TMPRSS5: variants seen among roughly 807,000 people sequenced by gnomAD.
The protein encoded by TMPRSS5 is transmembrane serine protease 5.
TMPRSS5 carries 45 observed loss-of-function variants against 59.7 expected under a neutral mutation model. The ratio of observed to expected loss-of-function variants is 0.75; its 90% CI spans 0.59 to 0.97. TMPRSS5 has a LOEUF of 0.97. Among genes scored for constraint, TMPRSS5 ranks in the 50% least tolerant of loss-of-function variants. The pLI is 0.00. For missense variants in TMPRSS5, 585 were observed against 596.7 expected (o/e 0.98, Z 0.20); for synonymous variants, 225 against 232.0 (o/e 0.97, Z 0.27).
rs1375764067 is a variant in TMPRSS5, at chr11:113,698,819, G to A, written c.328+86C>T. On this transcript the variant is annotated intron_variant, in intron 4 of 12. Transcript: ENST00000299882. The stretch of plus-strand genomic sequence containing the variant: ...CACATATGGTTGGCAGTGAACAGAT[G>A]GCCCTTCAGTGTCGGTTCTCTTGCC... 19 of 1,465,244 alleles carry A rather than the reference G, an allele frequency of 1.3e-5. No homozygotes were observed. In the Admixed American group the frequency reaches 3.4e-4, roughly 26 times the overall value. The allele number at this position is 1,465,244 out of a possible 1,614,324, so 90.8% of individuals were successfully genotyped here. A position where few individuals can be genotyped will look rare whatever the true frequency, so the allele number is the denominator to read the frequency against.
rs769436278 is a variant in TMPRSS5, at chr11:113,694,566, C to T, written c.697G>A (p.Ala233Thr). The change falls in exon 8 of 13, where the codon GCC (alanine) becomes ACC (threonine). Residue 233 changes from alanine (A) to threonine (T), a missense_variant. Coordinates refer to ENST00000299882, the MANE Select transcript of TMPRSS5 (RefSeq NM_030770.4). ...SVAPGRWPWQ[A>T]SVALGFRHTC... ...TGCCGGAAGCCCAGGGCCACGCTGGCCTGCCACGGCCAGCGCCCAGGAGCC... is the reference window on the plus strand; with the variant it reads ...TGCCGGAAGCCCAGGGCCACGCTGGTCTGCCACGGCCAGCGCCCAGGAGCC... The T allele has an allele frequency of 1.3e-6, 2 of 1,556,600 alleles. No homozygotes were observed. The highest frequency in any genetic ancestry group is 1.2e-5 in the South Asian group (1 of 84,378).
intron 5 of TMPRSS5, 78 bp from the exon 6 acceptor site, chr11:113,697,049 G>A (rs765571094): frequency 3.9e-5 from 47 of 1,213,782 alleles, no homozygotes; most frequent in African/African-American, 3.8e-4. Context: ...TATAGTGACC[G>A]CAAGACTGTG....
chr11:113,695,503 C>A (rs1952904435), intron 6 of TMPRSS5, 60 bp from the exon 7 acceptor site: 1 of 1,569,370 alleles, frequency 6.4e-7, no homozygotes, highest in Admixed American at 1.7e-5. Context: ...CCACACACAT[C>A]CAAGGACGTG....
chr11:113,693,010 C>G, intron 9 of TMPRSS5, 61 bp downstream of exon 9: 1 of 1,295,994 alleles, frequency 7.7e-7, no homozygotes, highest in South Asian at 1.3e-5. Context: ...ACTCTCCCAC[C>G]CAGCCCCCGC....
At position 113,689,787 on chromosome 11, in the gene TMPRSS5, T is replaced by A; in HGVS notation, c.1337A>T (p.Asp446Val). 1 of 1,610,498 alleles carries A rather than the reference T, an allele frequency of 6.2e-7. No homozygotes were observed. The highest frequency in any genetic ancestry group is 8.5e-7 in the Non-Finnish European group (1 of 1,178,600). The change falls in exon 12 of 13, where the codon GAC becomes GTC. Residue 446 changes from aspartate (D) to valine (V), a missense_variant. By Grantham distance (152) the Asp-to-Val change is radical (BLOSUM62 -3). Coordinates refer to ENST00000299882, the MANE Select transcript of TMPRSS5 (RefSeq NM_030770.4). The part of the protein sequence containing the change: ...GVYAKVAEFL[D>V]WIHDTAQDSL... ...CACCTGAGCAGTGTCATGGATCCAG[T>A]CCAGAAACTCAGCTACCTTGGCGTA... is the stretch of plus-strand genomic sequence containing the variant.
chr11:113,700,420 T>A (rs145205318), intron 1 of TMPRSS5, among the ~76,000 whole-genome samples: 1 of 152,302 alleles, frequency 6.6e-6, no homozygotes, highest in South Asian at 2.1e-4. Context: ...AATGCAGATT[T>A]GGCCCACTCC....
chr11:113,700,182 G>A lies in TMPRSS5; in HGVS notation c.4-14C>T. ...CAGCATCAGGCTCTGGGGAAATAAGGGCCAGACACCCAGGATCCCCACATC... is the reference window on the plus strand; with the variant it reads ...CAGCATCAGGCTCTGGGGAAATAAGAGCCAGACACCCAGGATCCCCACATC... On this transcript the variant is annotated splice_polypyrimidine_tract_variant and intron_variant, in intron 1 of 12. Transcript: ENST00000299882. 1 of 1,531,614 alleles carries A rather than the reference G, an allele frequency of 6.5e-7. No individual in the cohort carries two copies. The highest frequency in any genetic ancestry group is 8.8e-7 in the Non-Finnish European group (1 of 1,136,442). The allele number at this position is 1,531,614 out of a possible 1,614,324, so 94.9% of individuals were successfully genotyped here.
At chr11:113,706,126 C>A in intron 1 of TMPRSS5, 96 bp downstream of exon 1, 1 of 1,461,058 alleles carries the variant, frequency 6.8e-7, no homozygotes, top group Non-Finnish European at 9.4e-7. Context: ...CCTCAGGAGG[C>A]TCTTTCCACC....
At chr11:113,690,689 G>A (rs1952751315) in intron 10 of TMPRSS5, among the ~76,000 whole-genome samples, 152 bp downstream of exon 10, 1 of 152,036 alleles carries the variant, frequency 6.6e-6, no homozygotes. Context: ...CCAAGCAGGG[G>A]AGACTGGAGA....
chr11:113,689,700 G>T (rs548820161), intron 12 of TMPRSS5, 65 bp downstream of exon 12: 5 of 1,548,668 alleles, frequency 3.2e-6, no homozygotes, highest in African/African-American at 2.7e-5. Flanking sequence ...AAGGGGTAAG[G>T]TTCCTTGCAT....
chr11:113,689,700 GT>G, intron 12 of TMPRSS5, 64 bp downstream of exon 12: 1 of 1,548,786 alleles, frequency 6.5e-7, no homozygotes, highest in Non-Finnish European at 8.8e-7. Context: ...AAGGGGTAAG[GT>G]TCCTTGCATT....
Position 113,690,920 on chromosome 11 carries a change from G to T in TMPRSS5, c.984C>A (p.Cys328Ter). The change falls in exon 10 of 13, where the codon TGC (cysteine) becomes TGA (stop). Residue 328 changes from cysteine to a stop codon, truncating the protein, a stop_gained. Transcript: ENST00000299882. LOFTEE classifies it high-confidence loss of function. ...LNFSDTVGAV[C>*]LPAKEQHFPK... ...GAAAATGCTGTTCCTTGGCCGGCAG[G>T]CACACAGCGCCCACAGTGTCTGTAG... 1 of 1,590,506 alleles carries T rather than the reference G, an allele frequency of 6.3e-7. No homozygotes were observed. Among genetic ancestry groups the T allele is most frequent in the Non-Finnish European group, 8.6e-7 (1 of 1,169,004 alleles).
intron 5 of TMPRSS5, 24 bp downstream of exon 5, chr11:113,697,259 G>A: frequency 1.3e-6 from 2 of 1,597,660 alleles, no homozygotes; most frequent in Non-Finnish European, 1.7e-6. Flanking sequence ...CCCCTTCACA[G>A]GACCCACATC....
Position 113,693,177 on chromosome 11 carries a change from G to C in TMPRSS5, c.858C>G (p.His286Gln). The change falls in exon 9 of 13, where the codon CAC becomes CAG. Residue 286 changes from histidine to glutamine, a missense_variant. Transcript: ENST00000299882. ...GLVSHSAVRP[H>Q]QGALVERIIP... ...TAATCCTCTCCACCAGAGCCCCTTG[G>C]TGGGGCCTGACGGCACTGTGGCTGA... 6.2e-7 allele frequency: 1 copy of C among 1,603,736 alleles called. No individual in the cohort carries two copies. The highest frequency in any genetic ancestry group is 8.5e-7 in the Non-Finnish European group (1 of 1,175,350).
At chr11:113,695,803 G>C (rs142412513) in intron 6 of TMPRSS5, among the ~76,000 whole-genome samples, 181 of 152,318 alleles carry the variant, frequency 1.2e-3, no homozygotes, top group African/African-American at 4.2e-3. Context: ...TGAATGAACG[G>C]ATAGGTGAGT....
chr11:113,692,415 C>T (rs905508000), intron 9 of TMPRSS5, among the ~76,000 whole-genome samples: 1 of 152,106 alleles, frequency 6.6e-6, no homozygotes, highest in African/African-American at 2.4e-5. Flanking sequence ...TGTGAATGCT[C>T]ACGTGTGAGT....
At position 113,700,103 on chromosome 11, in the gene TMPRSS5, C is replaced by A; in HGVS notation, c.69G>T (p.Gly23=). Residue 23 remains glycine (G), a synonymous_variant, in exon 2 of 13, where the codon GGG becomes GGT. Transcript: ENST00000299882. ...AQYAEEGPGP[G]IFRAEPGDQQ... Reference sequence around the variant, plus strand: ...GGTCTCCAGGCTCTGCTCTGAAGATCCCAGGTCCTGGGCCCTCCTCTGCAT... The same window carrying A: ...GGTCTCCAGGCTCTGCTCTGAAGATACCAGGTCCTGGGCCCTCCTCTGCAT... 6.3e-7 allele frequency: 1 copy of A among 1,580,592 alleles called. No homozygotes were observed. The highest frequency in any genetic ancestry group is 8.6e-7 in the Non-Finnish European group (1 of 1,162,758).
intron 1 of TMPRSS5, among the ~76,000 whole-genome samples, chr11:113,703,908 C>A (rs1953211008): frequency 6.6e-6 from 1 of 152,224 alleles, no homozygotes; most frequent in African/African-American, 2.4e-5. Context: ...ATTACCCAGT[C>A]TCAGGCAGTT....
chr11:113,695,486 C>T (rs1371385578), intron 6 of TMPRSS5, 43 bp from the exon 7 acceptor site: 2 of 1,605,146 alleles, frequency 1.2e-6, no homozygotes, highest in African/African-American at 2.7e-5. Flanking sequence ...CAGGGGCCGC[C>T]CTGCAGCCAC....
Sources: allele counts gnomAD v4.1 joint callset (sites outside exome capture counted in the v4.1 genomes callset), GRCh38; gene constraint gnomAD v4.1.1; transcripts MANE v1.5; gene names NCBI Gene and HGNC (gene_info 2026-07-23, HGNC 2026-07-21).